STARD3: variants seen among roughly 807,000 people sequenced by gnomAD.
STARD3 encodes stAR-related lipid transfer protein 3.
STARD3 carries 39 observed loss-of-function variants against 62.0 expected under a neutral mutation model. The observed-to-expected ratio is 0.63, with a 90% CI of 0.49 to 0.82. The LOEUF is 0.82. STARD3 is among the 40% of genes least tolerant of loss of function. STARD3 has a pLI of 0.00. For missense variants in STARD3, 543 were observed against 584.5 expected (o/e 0.93, Z 0.73); for synonymous variants, 229 against 242.4 (o/e 0.94, Z 0.51).
intron 1 of STARD3, among the ~76,000 whole-genome samples, chr17:39,650,054 A>C (rs1334118595): frequency 6.6e-6 from 1 of 152,160 alleles, no homozygotes; most frequent in Non-Finnish European, 1.5e-5. Flanking sequence ...TCTTAAAAAA[A>C]AAGATAGGTT....
chr17:39,640,885 C>T (rs2056977743), intron 1 of STARD3, among the ~76,000 whole-genome samples: 1 of 151,988 alleles, frequency 6.6e-6, no homozygotes, highest in South Asian at 2.1e-4. Flanking sequence ...TCCGCTTCCT[C>T]AGAAGGAAAG....
chr17:39,637,465 G>C (rs1329154353), intron 1 of STARD3: 1 of 152,292 alleles, frequency 6.6e-6, no homozygotes, highest in Non-Finnish European at 1.5e-5. Flanking sequence ...CGGGGAGGAC[G>C]TTCGGGATCT....
Position 39,660,835 on chromosome 17 carries a change from C to T in STARD3, c.980C>T (p.Thr327Ile). The change falls in exon 12 of 15, where the codon ACC becomes ATC. Residue 327 changes from threonine to isoleucine, a missense_variant. Transcript: ENST00000336308. This position sits in a 1 kb window ranked among gnomAD's most constrained non-coding sequence, Gnocchi z 4.8. ...ATCCTGCAGCGAGTGGAAGACAACA[C>T]CCTCATCTCCTATGACGTGTCTGCA... is the stretch of plus-strand genomic sequence containing the variant. ...CQILQRVEDN[T>I]LISYDVSAGA... 2 of 1,595,378 alleles carry T rather than the reference C, an allele frequency of 1.3e-6. No individual in the cohort carries two copies. The highest frequency in any genetic ancestry group is 1.7e-6 in the Non-Finnish European group (2 of 1,169,626).
intron 1 of STARD3, chr17:39,653,261 G>T: frequency 1.8e-6 from 1 of 542,764 alleles, no homozygotes; most frequent in East Asian, 3.2e-5. Flanking sequence ...CTGGGCTTGG[G>T]GCAGGGAGCA....
chr17:39,654,908 G>A (rs1410178831), intron 2 of STARD3, among the ~76,000 whole-genome samples: 2 of 152,236 alleles, frequency 1.3e-5, no homozygotes, highest in Admixed American at 1.3e-4. Flanking sequence ...GGGAGAGACA[G>A]GGCTCTGAGG....
chr17:39,653,096 G>C (rs2057092412), intron 1 of STARD3: 1 of 202,514 alleles, frequency 4.9e-6, no homozygotes, highest in Non-Finnish European at 1.0e-5. Context: ...TCTTCTCCTG[G>C]GGGTGGTGGC....
Position 39,659,543 on chromosome 17 carries a change from A to G in STARD3, c.785A>G (p.Glu262Gly), listed in dbSNP as rs776088453. ...ILAQEENWKF[E>G]KNNEYGDTVY... ...GCCCAGGAAGAGAACTGGAAGTTTG[A>G]GAAGAATAATGTAAGAAGCCCTCTC... The change falls in exon 9 of 15, where the codon GAG (glutamate) becomes GGG (glycine). Residue 262 changes from glutamate (E) to glycine (G), a missense_variant. Physicochemically the swap from Glu to Gly is moderately conservative, Grantham distance 98. Transcript: ENST00000336308. 1 of 1,614,140 alleles carries G rather than the reference A, an allele frequency of 6.2e-7. No individual in the cohort carries two copies. Among genetic ancestry groups the G allele is most frequent in the Non-Finnish European group, 8.5e-7 (1 of 1,179,998 alleles).
intron 2 of STARD3, 125 bp from the exon 3 acceptor site, chr17:39,656,883 G>A: frequency 1.1e-6 from 1 of 876,844 alleles, no homozygotes; most frequent in Non-Finnish European, 1.8e-6. Flanking sequence ...CTGGGTGGTG[G>A]CTTAGCATCA....
chr17:39,638,738 C>G (rs1567852471), intron 1 of STARD3, among the ~76,000 whole-genome samples: 1 of 152,182 alleles, frequency 6.6e-6, no homozygotes. Context: ...AATTTCCTCA[C>G]TTGTAAAATG....
At chr17:39,647,720 G>A (rs918915451) in intron 1 of STARD3, among the ~76,000 whole-genome samples, 1 of 152,228 alleles carries the variant, frequency 6.6e-6, no homozygotes, top group African/African-American at 2.4e-5. Flanking sequence ...TGATGCTGGA[G>A]TTTGAGGAAA....
rs2056993782 is a variant in STARD3 at position 39,642,917 on chromosome 17, T to C, written c.-52+5686T>C. Among the ~76,000 whole-genome samples the C allele has an allele frequency of 2.0e-5, 3 of 151,824 alleles. No individual in the cohort carries two copies. The South Asian group carries it at 6.2e-4, about 32-fold the overall frequency. ...GTGGACAGCGAGGGACCAGTGTGGC[T>C]GGAGTAGAGGGCTCAAGGGGAAGAG... On this transcript the variant is annotated intron_variant, in intron 1 of 14. Coordinates refer to ENST00000336308, the MANE Select transcript of STARD3 (RefSeq NM_006804.4).
At chr17:39,644,672 CA>C (rs3029516) in intron 1 of STARD3, among the ~76,000 whole-genome samples, 102 of 112,476 alleles carry the variant, frequency 9.1e-4, no homozygotes, top group Admixed American at 2.6e-3. Flanking sequence ...CCTGTCTCTA[CA>C]AAAAAAAAAA....
At chr17:39,648,586 G>A (rs1354750263) in intron 1 of STARD3, among the ~76,000 whole-genome samples, 1 of 152,150 alleles carries the variant, frequency 6.6e-6, no homozygotes, top group Non-Finnish European at 1.5e-5. Context: ...CGGAGACTGG[G>A]GTACAGGTTC....
intron 9 of STARD3, 168 bp downstream of exon 9, chr17:39,659,721 G>A (rs1206391951): frequency 1.0e-5 from 7 of 676,204 alleles, no homozygotes; most frequent in Admixed American, 2.9e-5. Flanking sequence ...TGGATTGGAC[G>A]TTTCCCCCGT....
chr17:39,660,578 C>T lies in STARD3; in HGVS notation c.954+52C>T. ...GGCACAGATGGGGGCACAGCCACGC[C>T]TCAGTGGGATCACTGAAGCACTCAG... On this transcript the variant is annotated intron_variant, in intron 11 of 14. Transcript: ENST00000336308. This position sits in a 1 kb window ranked among gnomAD's most constrained non-coding sequence, Gnocchi z 4.8. The T allele has an allele frequency of 1.3e-6, 2 of 1,571,036 alleles. No homozygotes were observed. The highest frequency in any genetic ancestry group is 1.8e-6 in the Non-Finnish European group (2 of 1,141,766).
In STARD3 at chr17:39,653,483, CT is replaced by C; in HGVS notation, c.-48del. On this transcript the variant is annotated 5_prime_UTR_variant, in exon 2 of 15. The change abolishes the stop of an existing upstream ORF in the 5' untranslated region. Coordinates refer to ENST00000336308, the MANE Select transcript of STARD3 (RefSeq NM_006804.4). Reference sequence around the variant, plus strand: ...CTCTGCCTCTGCCTCGCCCCCAGCCCTGCTGCTGAGGCCGCGCCCTCCCCGC... The same window carrying C: ...CTCTGCCTCTGCCTCGCCCCCAGCCCGCTGCTGAGGCCGCGCCCTCCCCGC... 1 of 1,585,124 alleles carries C rather than the reference CT, an allele frequency of 6.3e-7. No homozygotes were observed. Among genetic ancestry groups the C allele is most frequent in the South Asian group, 1.1e-5 (1 of 90,196 alleles).
Position 39,637,151 on chromosome 17 carries a change from C to G in STARD3, c.-132C>G, listed in dbSNP as rs1008118815. On this transcript the variant is annotated 5_prime_UTR_variant, in exon 1 of 15. Coordinates refer to ENST00000336308, the MANE Select transcript of STARD3 (RefSeq NM_006804.4). ...GTGGCGCTGCCGGAAGATCTTCTTC[C>G]GCTCTGAGGCGCTACTGAGGCCGCG... The G allele has an allele frequency of 6.6e-6, 1 of 152,186 alleles. No individual in the cohort carries two copies. The highest frequency in any genetic ancestry group is 6.5e-5 in the Admixed American group (1 of 15,286). The allele number at this position is 152,186 out of a possible 1,614,324, so 9.4% of individuals were successfully genotyped here. A position where few individuals can be genotyped will look rare whatever the true frequency, so the allele number is the denominator to read the frequency against.
At chr17:39,640,475 G>A (rs886745658) in intron 1 of STARD3, among the ~76,000 whole-genome samples, 1 of 152,164 alleles carries the variant, frequency 6.6e-6, no homozygotes, top group African/African-American at 2.4e-5. Flanking sequence ...GTGCCTGGAG[G>A]ATCCTGTGCT....
At chr17:39,653,889 G>T in intron 2 of STARD3, 139 bp downstream of exon 2, 1 of 961,500 alleles carries the variant, frequency 1.0e-6, no homozygotes, top group Non-Finnish European at 1.6e-6. Context: ...GAACAACAGG[G>T]GTTCTCATAT....
Sources: allele counts gnomAD v4.1 joint callset (sites outside exome capture counted in the v4.1 genomes callset), GRCh38; gene constraint gnomAD v4.1.1; non-coding constraint Gnocchi (gnomAD v3.1); transcripts MANE v1.5; gene names NCBI Gene and HGNC (gene_info 2026-07-23, HGNC 2026-07-21).